Variants in PAXX observed in about 807,000 individuals in gnomAD.
PAXX encodes protein PAXX.
PAXX carries 27 observed loss-of-function variants against 25.6 expected under a neutral mutation model. The ratio of observed to expected loss-of-function variants is 1.06; its 90% CI spans 0.78 to 1.46. The LOEUF is 1.46. PAXX is among the 40% of genes most tolerant of loss of function. The pLI, the probability that PAXX is intolerant of heterozygous loss-of-function variation, is 0.00. For synonymous variants in PAXX, 126 were observed against 125.7 expected (o/e 1.00, Z -0.02); for missense variants, 295 against 280.2 (o/e 1.05, Z -0.38).
Position 136,993,674 on chromosome 9 carries a change from C to T in PAXX, c.575+10C>T, listed in dbSNP as rs1251372328. 1 of 1,613,746 alleles carries T rather than the reference C, an allele frequency of 6.2e-7. No individual in the cohort carries two copies. Among genetic ancestry groups the T allele is most frequent in the Non-Finnish European group, 8.5e-7 (1 of 1,179,920 alleles). ...ACCCCGGGTTCAAGAGGTACCCTCC[C>T]ACAGCCCCCTTCCTGCGCCCAGGGT... is the stretch of plus-strand genomic sequence containing the variant. On this transcript the variant is annotated intron_variant, in intron 6 of 6. Transcript: ENST00000371620.
In PAXX at chr9:136,992,673, C is replaced by T; in HGVS notation, c.153C>T (p.Cys51=). The change falls in exon 2 of 7, where the codon TGC becomes TGT. Residue 51 remains cysteine (C), a synonymous_variant. Coordinates refer to ENST00000371620, the MANE Select transcript of PAXX (RefSeq NM_183241.3). ...ACGCCGCGGAGCTTTGGAGCACCTGCTTCACGCCGGACAGCCTGGCGGCCC... is the reference window on the plus strand; with the variant it reads ...ACGCCGCGGAGCTTTGGAGCACCTGTTTCACGCCGGACAGCCTGGCGGCCC... The part of the protein sequence containing the change: ...VTDAAELWST[C]FTPDSLAALK... 6.5e-7 allele frequency: 1 copy of T among 1,540,756 alleles called. No individual in the cohort carries two copies. Among genetic ancestry groups the T allele is most frequent in the Non-Finnish European group, 8.7e-7 (1 of 1,146,884 alleles).
chr9:136,992,890 C>T, intron 2 of PAXX, 35 bp from the exon 3 acceptor site: 1 of 1,613,082 alleles, frequency 6.2e-7, no homozygotes, highest in Non-Finnish European at 8.5e-7. Flanking sequence ...GCCTCGGGTT[C>T]CAGGCAGCTC....
intron 4 of PAXX, 45 bp from the exon 5 acceptor site, chr9:136,993,298 C>T (rs1830627410): frequency 1.3e-6 from 2 of 1,584,214 alleles, no homozygotes; most frequent in Admixed American, 3.6e-5. Flanking sequence ...GCTCTTGCCC[C>T]CACTCCTGGC....
chr9:136,993,231 CG>C lies in PAXX; in HGVS notation c.411del (p.Arg138AspfsTer88), dbSNP rs1564201471. Reference sequence around the variant, plus strand: ...GGCAAAACGCGTGTGGAGCCTGGAGCGGCGACTGGCAGGTAGGATTGGGGGT... The same window carrying C: ...GGCAAAACGCGTGTGGAGCCTGGAGCGCGACTGGCAGGTAGGATTGGGGGT... ...GLAKRVWSLE[R>X]RLAAAEETAV... On this transcript the variant is annotated frameshift_variant, in exon 4 of 7. Coordinates refer to ENST00000371620, the MANE Select transcript of PAXX (RefSeq NM_183241.3). LOFTEE classifies it high-confidence loss of function. 1 of 1,537,746 alleles carries C rather than the reference CG, an allele frequency of 6.5e-7. No individual in the cohort carries two copies. The highest frequency in any genetic ancestry group is 8.7e-7 in the Non-Finnish European group (1 of 1,147,140).
In PAXX at chr9:136,993,759, C is replaced by A. The variant is rs1433929413; in HGVS notation, c.576-7C>A. ...AGTGCCATAGTGACACCCCTCTTCC[C>A]TCCCAGTAAGAAACCAGCTGGTGGC... On this transcript the variant is annotated splice_region_variant and splice_polypyrimidine_tract_variant and intron_variant, in intron 6 of 6. Transcript: ENST00000371620. 6 of 1,613,870 alleles carry A rather than the reference C, an allele frequency of 3.7e-6. No homozygotes were observed. In the East Asian group the frequency reaches 1.3e-4, roughly 36 times the overall value.
chr9:136,993,279 G>A, intron 4 of PAXX, 36 bp downstream of exon 4: 1 of 1,567,344 alleles, frequency 6.4e-7, no homozygotes. Flanking sequence ...ACCTTCACTG[G>A]GGTCCCCTGC....
chr9:136,993,871 C>A lies in PAXX; in HGVS notation c.*66C>A. The A allele has an allele frequency of 6.5e-7, 1 of 1,536,152 alleles. No homozygotes were observed. The highest frequency in any genetic ancestry group is 1.1e-5 in the South Asian group (1 of 88,268). On this transcript the variant is annotated 3_prime_UTR_variant, in exon 7 of 7. Coordinates refer to ENST00000371620, the MANE Select transcript of PAXX (RefSeq NM_183241.3). ...GAGGGGAGAGGCAGTCTTTGAGGCC[C>A]CCATCAGAGACCCCCCGCCACCACC...
At position 136,992,659 on chromosome 9, in the gene PAXX, C is replaced by G; in HGVS notation, c.139C>G (p.Leu47Val). The G allele has an allele frequency of 1.3e-6, 2 of 1,541,042 alleles. No homozygotes were observed. Among genetic ancestry groups the G allele is most frequent in the Admixed American group, 2.0e-5 (1 of 51,004 alleles). ...CCCCAGCGTGACCGACGCCGCGGAG[C>G]TTTGGAGCACCTGCTTCACGCCGGA... ...FNLYVTDAAELWSTCFTPDSL... is the reference protein window; with the variant it reads ...FNLYVTDAAEVWSTCFTPDSL... Residue 47 changes from leucine (L) to valine (V), a missense_variant, in exon 2 of 7, where the codon CTT (leucine) becomes GTT (valine). Leu to Val is a conservative substitution (Grantham distance 32). Transcript: ENST00000371620.
Position 136,993,585 on chromosome 9 carries a change from G to A in PAXX, c.496G>A (p.Asp166Asn), listed in dbSNP as rs1486797005. 13 of 1,613,804 alleles carry A rather than the reference G, an allele frequency of 8.1e-6. No individual in the cohort carries two copies. The highest frequency in any genetic ancestry group is 1.3e-5 in the African/African-American group (1 of 74,932). Residue 166 changes from aspartate to asparagine, a missense_variant, in exon 6 of 7, where the codon GAT becomes AAT. Transcript: ENST00000371620. The part of the protein sequence containing the change: ...AGPQLFLPDP[D>N]PQRGGPGPGV... ...CCTGTCCTGTTTTCCCCCAGACCCA[G>A]ATCCCCAGAGAGGTGGCCCTGGACC...
chr9:136,992,558 C>G lies in PAXX; in HGVS notation c.115C>G (p.Leu39Val). Residue 39 changes from leucine to valine, a missense_variant, in exon 1 of 7, where the codon CTC (leucine) becomes GTC (valine). Physicochemically the swap from Leu to Val is conservative, Grantham distance 32. Transcript: ENST00000371620. The part of the protein sequence containing the change: ...SGEGDRGGFN[L>V]YVTDAAELWS... ...GGAGGGGGACCGCGGCGGCTTCAACCTCTAGTGAGTGGGGGTCCGCGGGGA... is the reference window on the plus strand; with the variant it reads ...GGAGGGGGACCGCGGCGGCTTCAACGTCTAGTGAGTGGGGGTCCGCGGGGA... 6.7e-7 allele frequency: 1 copy of G among 1,497,578 alleles called. No individual in the cohort carries two copies. The highest frequency in any genetic ancestry group is 1.8e-4 in the Middle Eastern group (1 of 5,616). 92.8% of individuals were successfully genotyped at this position (1,497,578 alleles called of 1,614,324 possible). A position where few individuals can be genotyped will look rare whatever the true frequency, so the allele number is the denominator to read the frequency against.
chr9:136,992,434 G>T lies in PAXX; in HGVS notation c.-10G>T, dbSNP rs919786935. ...GCCCCGCCCCGCCGGGTTCCCGCTC[G>T]CCCGGCGCCATGGATCCGCTGTCGC... On this transcript the variant is annotated 5_prime_UTR_variant, in exon 1 of 7. Transcript: ENST00000371620. The T allele has an allele frequency of 2.0e-5, 24 of 1,181,518 alleles. No individual in the cohort carries two copies. The highest frequency in any genetic ancestry group is 2.4e-5 in the Non-Finnish European group (22 of 899,998). 73.2% of individuals were successfully genotyped at this position (1,181,518 alleles called of 1,614,324 possible).
In PAXX at chr9:136,992,733, A is replaced by G. The variant is rs368371162; in HGVS notation, c.180+33A>G. 74 of 1,543,306 alleles carry G rather than the reference A, an allele frequency of 4.8e-5. No individual in the cohort carries two copies. In the African/African-American group the frequency reaches 9.3e-4, roughly 19 times the overall value. On this transcript the variant is annotated intron_variant, in intron 2 of 6. Coordinates refer to ENST00000371620, the MANE Select transcript of PAXX (RefSeq NM_183241.3). ...ACTGGGCGGGTCTGGGAGCCGCCAC[A>G]CCCCTCCTTGCAGTGCAGATCGTCT...
chr9:136,992,569 G>A lies in PAXX; in HGVS notation c.119+7G>A, dbSNP rs771744936. ...GCGGCGGCTTCAACCTCTAGTGAGTGGGGGTCCGCGGGGAGGTAGGGGTGC... is the reference window on the plus strand; with the variant it reads ...GCGGCGGCTTCAACCTCTAGTGAGTAGGGGTCCGCGGGGAGGTAGGGGTGC... On this transcript the variant is annotated splice_region_variant and intron_variant, in intron 1 of 6. Coordinates refer to ENST00000371620, the MANE Select transcript of PAXX (RefSeq NM_183241.3). The A allele has an allele frequency of 6.6e-7, 1 of 1,507,318 alleles. No individual in the cohort carries two copies. The highest frequency in any genetic ancestry group is 8.9e-7 in the Non-Finnish European group (1 of 1,123,478). The allele number at this position is 1,507,318 out of a possible 1,614,324, so 93.4% of individuals were successfully genotyped here. A position where few individuals can be genotyped will look rare whatever the true frequency, so the allele number is the denominator to read the frequency against.
Position 136,992,981 on chromosome 9 carries a change from C to T in PAXX, c.230+7C>T. On this transcript the variant is annotated splice_region_variant and intron_variant, in intron 3 of 6. Coordinates refer to ENST00000371620, the MANE Select transcript of PAXX (RefSeq NM_183241.3). The stretch of plus-strand genomic sequence containing the variant: ...ACATCACCCCCCGGTTCAGGTGAGA[C>T]CCAAGCAGGGAGGAAGGACGGGTGG... The T allele has an allele frequency of 1.9e-6, 3 of 1,613,508 alleles. No individual in the cohort carries two copies. The highest frequency in any genetic ancestry group is 2.5e-6 in the Non-Finnish European group (3 of 1,180,008).
intron 5 of PAXX, 23 bp from the exon 6 acceptor site, chr9:136,993,557 G>A (rs777190746): frequency 6.2e-7 from 1 of 1,612,750 alleles, no homozygotes; most frequent in East Asian, 2.2e-5. Flanking sequence ...TTCAGGAGCT[G>A]CCCCTGTCCT....
chr9:136,993,304 C>T lies in PAXX; in HGVS notation c.422-39C>T, dbSNP rs533507781. ...GGGTCCCCTGCTCTTGCCCCCACTC[C>T]TGGCACTGAGTGGGGTTCCCATGGG... On this transcript the variant is annotated intron_variant, in intron 4 of 6. Transcript: ENST00000371620. 52 of 1,592,804 alleles carry T rather than the reference C, an allele frequency of 3.3e-5. 1 individual carries two copies. In the South Asian group the frequency reaches 5.8e-4, roughly 18 times the overall value.
At chr9:136,993,009 A>G (rs1392403301) in intron 3 of PAXX, 35 bp downstream of exon 3, 2 of 1,612,904 alleles carry the variant, frequency 1.2e-6, no homozygotes, top group Non-Finnish European at 1.7e-6. Context: ...ACGGGTGGGG[A>G]GGAGGAGGGT....
intron 6 of PAXX, 33 bp downstream of exon 6, chr9:136,993,697 G>T (rs746167597): frequency 6.2e-7 from 1 of 1,613,504 alleles, no homozygotes; most frequent in Non-Finnish European, 8.5e-7. Context: ...CTGCGCCCAG[G>T]GTCCAATCCT....
In PAXX at chr9:136,992,581, G is replaced by C; in HGVS notation, c.119+19G>C. ...ACCTCTAGTGAGTGGGGGTCCGCGG[G>C]GAGGTAGGGGTGCAGGGAGCTCCGC... On this transcript the variant is annotated intron_variant, in intron 1 of 6. Coordinates refer to ENST00000371620, the MANE Select transcript of PAXX (RefSeq NM_183241.3). 6.6e-7 allele frequency: 1 copy of C among 1,512,432 alleles called. No individual in the cohort carries two copies. 93.7% of individuals were successfully genotyped at this position (1,512,432 alleles called of 1,614,324 possible).
Sources: gnomAD v4.1 joint callset for allele counts on GRCh38, gnomAD v4.1.1 for gene constraint, MANE v1.5 for transcripts, NCBI Gene and HGNC (gene_info 2026-07-23, HGNC 2026-07-21) for gene names.